KLHL13: variants seen among roughly 807,000 people sequenced by gnomAD.
The protein encoded by KLHL13 is kelch-like protein 13.
KLHL13 carries 10 observed loss-of-function variants against 37.1 expected under a neutral mutation model. The ratio of observed to expected loss-of-function variants is 0.27; its 90% CI spans 0.17 to 0.46. KLHL13 has a LOEUF of 0.46. Among genes scored for constraint, KLHL13 ranks in the 20% least tolerant of loss-of-function variants. The probability of loss-of-function intolerance (pLI) is 1.00; values close to 1 mark genes in which losing one functional copy is unlikely to be tolerated. For missense variants in KLHL13, 360 were observed against 509.3 expected (o/e 0.71, Z 2.82); for synonymous variants, 163 against 181.2 (o/e 0.90, Z 0.81).
intron 1 of KLHL13, chrX:117,945,802 A>G (rs1933293237): frequency 3.5e-6 from 1 of 283,603 alleles, no homozygotes; most frequent in East Asian, 5.4e-5. Flanking sequence ...TGAGAAATCA[A>G]CTTAAAAGGT....
At chrX:117,926,965 G>A (rs954750518) in intron 2 of KLHL13, among the ~76,000 whole-genome samples, 190 of 93,367 alleles carry the variant, frequency 2.0e-3, no homozygotes, top group Non-Finnish European at 3.4e-3. Flanking sequence ...GAGTGCAGTG[G>A]CGCAATCTCG....
intron 1 of KLHL13, among the ~76,000 whole-genome samples, chrX:118,064,037 AT>A (rs1283115193): frequency 8.9e-6 from 1 of 111,750 alleles, no homozygotes; most frequent in Non-Finnish European, 1.9e-5. Flanking sequence ...GGACAAGGCC[AT>A]TTAGGTTGAT....
chrX:117,920,526 C>T (rs1931632803), intron 2 of KLHL13, among the ~76,000 whole-genome samples, 156 bp from the exon 4 acceptor site: 1 of 112,289 alleles, frequency 8.9e-6, no homozygotes, highest in African/African-American at 3.2e-5. Flanking sequence ...GCACAACTTT[C>T]CTGATATGTG....
At chrX:117,993,849 G>A (rs1361302779) in intron 1 of KLHL13, among the ~76,000 whole-genome samples, 1 of 108,268 alleles carries the variant, frequency 9.2e-6, no homozygotes, top group Non-Finnish European at 1.9e-5. Flanking sequence ...CAATTCTCCT[G>A]CCTCAGCCTC....
intron 1 of KLHL13, among the ~76,000 whole-genome samples, chrX:118,024,069 T>C (rs756834546): frequency 1.8e-5 from 2 of 112,371 alleles, no homozygotes; most frequent in South Asian, 3.7e-4. Context: ...TCAAAAGTCA[T>C]TGTGTTATAA....
intron 1 of KLHL13, among the ~76,000 whole-genome samples, chrX:118,056,635 C>T (rs1318844535): frequency 2.7e-5 from 3 of 111,513 alleles, no homozygotes; most frequent in African/African-American, 9.8e-5. Context: ...GTTCAAATAA[C>T]TCATGTGATT....
At chrX:117,982,167 A>G (rs1024670508) in intron 1 of KLHL13, among the ~76,000 whole-genome samples, 2 of 109,886 alleles carry the variant, frequency 1.8e-5, no homozygotes, top group Admixed American at 2.0e-4. Context: ...ACACATAGGA[A>G]ACACAAATTA....
At chrX:118,075,277 C>G (rs934239531) in intron 1 of KLHL13, among the ~76,000 whole-genome samples, 1 of 111,426 alleles carries the variant, frequency 9.0e-6, no homozygotes, top group Non-Finnish European at 1.9e-5. Flanking sequence ...CAGGTCCATA[C>G]TGAAGGGTTT....
intron 1 of KLHL13, among the ~76,000 whole-genome samples, chrX:118,100,279 C>T (rs2055273217): frequency 9.0e-6 from 1 of 111,517 alleles, no homozygotes; most frequent in African/African-American, 3.3e-5. Context: ...ATAGCATGGG[C>T]CGATGCTGCA....
rs60645250 is a variant in KLHL13, at chrX:118,104,048, T to TAAAAAAAAAAAAA, written c.-56+12447_-56+12459dup. 1.9e-4 allele frequency among the ~76,000 whole-genome samples: 8 copies of TAAAAAAAAAAAAA among 42,575 alleles called. 1 individual carries two copies. The highest frequency in any genetic ancestry group is 7.1e-4 in the African/African-American group (8 of 11,190). 37.0% of individuals were successfully genotyped at this position (42,575 alleles called of 115,157 possible). ...CAACATACCGAGGCCTCATTTCCAC[T>TAAAAAAAAAAAAA]AAAAAAAAAAAAAAAAAAAAAAAAA... On this transcript the variant is annotated intron_variant, in intron 1 of 6. Coordinates refer to the KLHL13 transcript ENST00000371882.
chrX:117,961,544 G>A (rs1339982586), intron 1 of KLHL13, among the ~76,000 whole-genome samples: 2 of 111,598 alleles, frequency 1.8e-5, no homozygotes, highest in African/African-American at 6.5e-5. Flanking sequence ...TAAAGGTTAC[G>A]AACTTTGAAA....
chrX:117,940,900 T>A, intron 2 of KLHL13, among the ~76,000 whole-genome samples: 1 of 111,823 alleles, frequency 8.9e-6, no homozygotes, highest in Non-Finnish European at 1.9e-5. Context: ...CAGAGACAAT[T>A]TAACTTCCTC....
chrX:118,017,287 T>C (rs971720934), intron 1 of KLHL13, among the ~76,000 whole-genome samples: 26 of 111,753 alleles, frequency 2.3e-4, no homozygotes, highest in Middle Eastern at 4.2e-3. Flanking sequence ...TCATCTGATT[T>C]TGATTATAGC....
In KLHL13 at chrX:117,909,820, G is replaced by A; in HGVS notation, c.847C>T (p.Arg283Ter). 1 of 1,110,735 alleles carries A rather than the reference G, an allele frequency of 9.0e-7. No homozygotes were observed. The highest frequency in any genetic ancestry group is 1.2e-6 in the Non-Finnish European group (1 of 832,854). The allele number at this position is 1,110,735 out of a possible 1,213,427, so 91.5% of individuals were successfully genotyped here. A position where few individuals can be genotyped will look rare whatever the true frequency, so the allele number is the denominator to read the frequency against. ...TCCTGTGGTGTCATCAGTGGAAATC[G>A]TATGTTCTTCATTAATTTTGCAGCA... Residue 283 changes from arginine to a stop codon, truncating the protein, a stop_gained, in exon 5 of 7, where the codon CGA (arginine) becomes TGA (stop). Transcript: ENST00000262820. LOFTEE classifies it high-confidence loss of function.
intron 1 of KLHL13, among the ~76,000 whole-genome samples, chrX:117,963,518 C>T (rs900016619): frequency 9.1e-6 from 1 of 109,643 alleles, no homozygotes; most frequent in African/African-American, 3.3e-5. Flanking sequence ...AATAGTGCCG[C>T]AATAAACATA....
chrX:118,104,456 G>A (rs748090372), intron 1 of KLHL13, among the ~76,000 whole-genome samples: 1 of 112,054 alleles, frequency 8.9e-6, no homozygotes, highest in Non-Finnish European at 1.9e-5. Context: ...ATACTAGTGG[G>A]TTTAGCAGTT....
chrX:118,086,601 A>T (rs911237104), intron 1 of KLHL13, among the ~76,000 whole-genome samples: 1 of 112,240 alleles, frequency 8.9e-6, no homozygotes, highest in Non-Finnish European at 1.9e-5. Flanking sequence ...TATAATATAA[A>T]GTTTTGTTAA....
chrX:117,999,546 G>T (rs902814950), intron 1 of KLHL13, among the ~76,000 whole-genome samples: 1 of 109,931 alleles, frequency 9.1e-6, no homozygotes, highest in African/African-American at 3.3e-5. Context: ...CCTGCTGGGG[G>T]GTGGGGAGAT....
chrX:118,060,934 A>G (rs1433358762), intron 1 of KLHL13, among the ~76,000 whole-genome samples: 6 of 110,653 alleles, frequency 5.4e-5, no homozygotes, highest in Non-Finnish European at 1.1e-4. Flanking sequence ...TTCCCTCTGA[A>G]CCTGCCTATG....
Sources: allele counts gnomAD v4.1 joint callset (sites outside exome capture counted in the v4.1 genomes callset), GRCh38; gene constraint gnomAD v4.1.1; transcripts MANE v1.5; gene names NCBI Gene and HGNC (gene_info 2026-07-23, HGNC 2026-07-21).